GYG2: variants seen among roughly 807,000 people sequenced by gnomAD.
The protein encoded by GYG2 is glycogenin-2.
In GYG2, 29 loss-of-function variants were observed where a neutral mutation model predicts 29.4. That is an observed-to-expected ratio of 0.99 (90% CI 0.74 to 1.35). GYG2 has a LOEUF of 1.35. Among genes scored for constraint, GYG2 ranks in the 40% most tolerant of loss-of-function variants. The probability of loss-of-function intolerance (pLI) is 0.00; values close to 1 mark genes in which losing one functional copy is unlikely to be tolerated. For missense variants in GYG2, 370 were observed against 385.7 expected, an observed-to-expected ratio of 0.96 and a Z score of 0.34; for synonymous variants, 167 against 172.3, an observed-to-expected ratio of 0.97 and a Z score of 0.24.
Position 2,877,317 on chromosome X carries a change from A to G in GYG2, c.1251+10A>G. ...GCAGGATGCACTGGAGGTGGTATCC[A>G]AATTCTTCCCCTTGCCCAAGGCTCC... On this transcript the variant is annotated intron_variant, in intron 10 of 10. Transcript: ENST00000398806. 8.3e-7 allele frequency: 1 copy of G among 1,207,878 alleles called. No homozygotes were observed. The highest frequency in any genetic ancestry group is 1.1e-6 in the Non-Finnish European group (1 of 892,906).
At chrX:2,853,918 G>A in intron 3 of GYG2, 62 bp from the exon 4 acceptor site, 1 of 796,645 alleles carries the variant, frequency 1.3e-6, no homozygotes, top group South Asian at 2.3e-5. Context: ...TCTTGAAGGA[G>A]GAGGTGGTTC....
intron 8 of GYG2, among the ~76,000 whole-genome samples, chrX:2,865,081 T>C (rs949390872): frequency 1.7e-4 from 19 of 111,599 alleles, no homozygotes; most frequent in African/African-American, 6.2e-4. Context: ...CTTAACAGTT[T>C]ATTCTGAACC....
Position 2,854,164 on chromosome X carries a change from G to A in GYG2, c.324+10G>A, listed in dbSNP as rs1157043878. 31 of 1,144,427 alleles carry A rather than the reference G, an allele frequency of 2.7e-5. No individual in the cohort carries two copies. Among genetic ancestry groups the A allele is most frequent in the Non-Finnish European group, 3.7e-5 (31 of 847,149 alleles). The allele number at this position is 1,144,427 out of a possible 1,213,427, so 94.3% of individuals were successfully genotyped here. ...GGATGCAGACACTCTGGTGAGTGAA[G>A]ACTCTCTGCTTGATAGGAAACCCTC... is the stretch of plus-strand genomic sequence containing the variant. On this transcript the variant is annotated intron_variant, in intron 4 of 10. Coordinates refer to ENST00000398806, the MANE Select transcript of GYG2 (RefSeq NM_001079855.2).
At chrX:2,847,747 T>TAAATAAATAAAA (rs1555897649) in intron 3 of GYG2, among the ~76,000 whole-genome samples, 2 of 104,441 alleles carry the variant, frequency 1.9e-5, no homozygotes, top group Non-Finnish European at 3.9e-5. Context: ...AATAAATAAA[T>TAAATAAATAAAA]AAAAATCCAC....
At chrX:2,847,800 A>G (rs1192242308) in intron 3 of GYG2, among the ~76,000 whole-genome samples, 5 of 111,875 alleles carry the variant, frequency 4.5e-5, no homozygotes, top group Admixed American at 2.9e-4. Context: ...ACATAGAGAA[A>G]TCTTAGAAGA....
chrX:2,829,826 C>T (rs1289553445), intron 1 of GYG2, among the ~76,000 whole-genome samples: 6 of 108,600 alleles, frequency 5.5e-5, no homozygotes, highest in Admixed American at 1.9e-4. Context: ...TGTTAAGACG[C>T]AGCGGGGTCG....
intron 10 of GYG2, 157 bp downstream of exon 10, chrX:2,877,464 G>A (rs1250818681): frequency 1.9e-5 from 21 of 1,080,717 alleles, no homozygotes; most frequent in Non-Finnish European, 2.4e-5. Flanking sequence ...TGATTCTTCT[G>A]TCTTCTCTCT....
chrX:2,855,290 T>C, intron 5 of GYG2, 135 bp downstream of exon 5: 1 of 538,009 alleles, frequency 1.9e-6, no homozygotes, highest in Non-Finnish European at 3.0e-6. Context: ...AAATGTGTTG[T>C]TAAGTGATTT....
At chrX:2,842,994 G>T in intron 2 of GYG2, 2 of 456,246 alleles carry the variant, frequency 4.4e-6, no homozygotes, top group South Asian at 2.8e-5. Context: ...TGTATTTTTC[G>T]TAGAGACAGA....
intron 2 of GYG2, among the ~76,000 whole-genome samples, chrX:2,841,176 AATGG>A (rs2087489646): frequency 9.1e-6 from 1 of 109,912 alleles, no homozygotes; most frequent in Non-Finnish European, 1.9e-5. Context: ...ATAGATAGAC[AATGG>A]ATGGATGGAT....
At chrX:2,861,025 C>T (rs1305782226) in intron 7 of GYG2, among the ~76,000 whole-genome samples, 3 of 109,784 alleles carry the variant, frequency 2.7e-5, no homozygotes, top group East Asian at 2.8e-4. Context: ...CCACCAAGCC[C>T]GGCCTTTTTT....
At chrX:2,832,789 C>G (rs181179268) in intron 2 of GYG2, among the ~76,000 whole-genome samples, 67 of 112,229 alleles carry the variant, frequency 6.0e-4, no homozygotes, top group Middle Eastern at 9.3e-3. Context: ...CCTGCCTTGG[C>G]CTCCCAAAGT....
intron 8 of GYG2, among the ~76,000 whole-genome samples, chrX:2,870,670 A>G (rs2088447354): frequency 8.9e-6 from 1 of 112,383 alleles, no homozygotes; most frequent in South Asian, 3.7e-4. Context: ...TTCTAGCTTC[A>G]GTTATTATGT....
At chrX:2,873,584 A>G (rs1207578582) in intron 8 of GYG2, among the ~76,000 whole-genome samples, 1 of 110,783 alleles carries the variant, frequency 9.0e-6, no homozygotes, top group Non-Finnish European at 1.9e-5. Flanking sequence ...TAATGAGAAC[A>G]CATAAGATCT....
intron 2 of GYG2, among the ~76,000 whole-genome samples, chrX:2,837,382 A>G (rs752515391): frequency 5.5e-4 from 61 of 111,789 alleles, no homozygotes; most frequent in Non-Finnish European, 1.0e-3. Flanking sequence ...CTAAATAGTA[A>G]GGTCTAACCT....
At chrX:2,847,757 C>G in intron 3 of GYG2, among the ~76,000 whole-genome samples, 1 of 105,245 alleles carries the variant, frequency 9.5e-6, no homozygotes. Flanking sequence ...TAAAAATCCA[C>G]ATAGATTATA....
At chrX:2,870,540 A>G (rs1157539448) in intron 8 of GYG2, among the ~76,000 whole-genome samples, 2 of 111,565 alleles carry the variant, frequency 1.8e-5, no homozygotes, top group African/African-American at 6.5e-5. Flanking sequence ...TGTGTCCCAT[A>G]TATCTATGAC....
intron 3 of GYG2, among the ~76,000 whole-genome samples, chrX:2,850,695 C>G (rs959348401): frequency 9.0e-6 from 1 of 111,298 alleles, no homozygotes; most frequent in Non-Finnish European, 1.9e-5. Flanking sequence ...CTTCTCCTGG[C>G]TCATCCTGGC....
intron 8 of GYG2, among the ~76,000 whole-genome samples, chrX:2,867,084 G>A (rs976764260): frequency 2.7e-5 from 3 of 111,942 alleles, no homozygotes; most frequent in African/African-American, 9.8e-5. Context: ...TAGTGCTGGG[G>A]ACAGTAGGTG....
Sources: allele counts gnomAD v4.1 joint callset (sites outside exome capture counted in the v4.1 genomes callset), GRCh38; gene constraint gnomAD v4.1.1; transcripts MANE v1.5; gene names NCBI Gene and HGNC (gene_info 2026-07-23, HGNC 2026-07-21).